Variants in MARCHF6 observed in about 807,000 individuals in gnomAD.
MARCHF6 encodes membrane associated ring-CH-type finger 6.
A neutral mutation model predicts 133.7 loss-of-function variants in MARCHF6; 31 were observed. That is an observed-to-expected ratio of 0.23 (90% confidence interval 0.17 to 0.31). MARCHF6 has a LOEUF of 0.31. MARCHF6 is among the 10% of genes least tolerant of loss of function. The pLI is 1.00. For synonymous variants in MARCHF6, 395 were observed against 402.5 expected (o/e 0.98, Z 0.22); for missense variants, 723 against 1,121.6 (o/e 0.64, Z 5.08).
chr5:10,377,750 A>T (rs563142574), intron 1 of MARCHF6, 48 bp from the exon 2 acceptor site: 4 of 1,383,338 alleles, frequency 2.9e-6, no homozygotes, highest in South Asian at 2.3e-5. Context: ...TTGCTTTTTT[A>T]AAAAAGTTAT....
At chr5:10,366,331 G>C (rs1736136799) in intron 1 of MARCHF6, among the ~76,000 whole-genome samples, 1 of 152,140 alleles carries the variant, frequency 6.6e-6, no homozygotes, top group African/African-American at 2.4e-5. Context: ...CAGACATTTT[G>C]AGTAATATTT....
At chr5:10,357,231 TA>T (rs1735527918) in intron 1 of MARCHF6, among the ~76,000 whole-genome samples, 1 of 126,420 alleles carries the variant, frequency 7.9e-6, no homozygotes, top group African/African-American at 2.9e-5. Context: ...TTTTTTTTTT[TA>T]AAGGAAAAGC....
At position 10,377,768 on chromosome 5, in the gene MARCHF6, G is replaced by A. The variant is rs376216593; in HGVS notation, c.20-30G>A. 5 of 1,498,730 alleles carry A rather than the reference G, an allele frequency of 3.3e-6. No individual in the cohort carries two copies. The African/African-American group carries it at 5.5e-5, about 17-fold the overall frequency. The allele number at this position is 1,498,730 out of a possible 1,614,324, so 92.8% of individuals were successfully genotyped here. ...CTTTTTTAAAAAAGTTATAACCAAA[G>A]GAAATTCAATTTTCCTTTTTCATTG... On this transcript the variant is annotated intron_variant, in intron 1 of 25. Coordinates refer to ENST00000274140, the MANE Select transcript of MARCHF6 (RefSeq NM_005885.4).
intron 17 of MARCHF6, among the ~76,000 whole-genome samples, chr5:10,408,868 C>T (rs976543148): frequency 2.0e-5 from 3 of 152,122 alleles, no homozygotes; most frequent in South Asian, 2.1e-4. Context: ...TTGTCTTCAT[C>T]GTTGTATTTC....
At chr5:10,389,400 A>G (rs1219581737) in intron 5 of MARCHF6, among the ~76,000 whole-genome samples, 1 of 151,966 alleles carries the variant, frequency 6.6e-6, no homozygotes, top group East Asian at 1.9e-4. Flanking sequence ...TGCTTTCTAA[A>G]TGAAAAATTT....
chr5:10,368,226 A>C (rs974302334), intron 1 of MARCHF6, among the ~76,000 whole-genome samples: 1 of 152,226 alleles, frequency 6.6e-6, no homozygotes, highest in Admixed American at 6.5e-5. Context: ...TAATAGTCGT[A>C]CTTGCTTCAT....
chr5:10,394,453 C>A (rs1223329793), intron 8 of MARCHF6, among the ~76,000 whole-genome samples: 2 of 152,106 alleles, frequency 1.3e-5, no homozygotes, highest in African/African-American at 4.8e-5. Flanking sequence ...CAAAATAATA[C>A]AGTTTTATTA....
chr5:10,373,581 C>A (rs1736588191), intron 1 of MARCHF6, among the ~76,000 whole-genome samples: 1 of 152,184 alleles, frequency 6.6e-6, no homozygotes, highest in South Asian at 2.1e-4. Context: ...CTCTCACAGG[C>A]AGCAATGTGC....
At chr5:10,370,280 A>G (rs920213093) in intron 1 of MARCHF6, among the ~76,000 whole-genome samples, 10 of 151,072 alleles carry the variant, frequency 6.6e-5, no homozygotes, top group African/African-American at 2.2e-4. Flanking sequence ...TTAAAATTTT[A>G]TTGTAGATAT....
chr5:10,393,671 A>G (rs1490579693), intron 7 of MARCHF6, among the ~76,000 whole-genome samples: 3 of 152,220 alleles, frequency 2.0e-5, no homozygotes, highest in Non-Finnish European at 4.4e-5. Flanking sequence ...ACTAAAGAAT[A>G]AAATCCAGAC....
chr5:10,358,030 C>T (rs1444819118), intron 1 of MARCHF6, among the ~76,000 whole-genome samples: 2 of 142,558 alleles, frequency 1.4e-5, no homozygotes, highest in Admixed American at 7.2e-5. Flanking sequence ...TGCAGTGGCG[C>T]GATCTTGGCT....
chr5:10,434,035 C>A lies in MARCHF6; in HGVS notation c.*351C>A. ...TGCTGTGATCTCGACAGGAAACGTG[C>A]CACAGAGCAGTAGTGCGCAGGCAAG... On this transcript the variant is annotated 3_prime_UTR_variant, in exon 26 of 26. Coordinates refer to ENST00000274140, the MANE Select transcript of MARCHF6 (RefSeq NM_005885.4). The A allele has an allele frequency of 1.6e-5, 4 of 251,494 alleles. No homozygotes were observed. Among genetic ancestry groups the A allele is most frequent in the South Asian group, 1.3e-4 (3 of 22,274 alleles). The allele number at this position is 251,494 out of a possible 1,614,324, so 15.6% of individuals were successfully genotyped here.
At chr5:10,400,657 T>G (rs998805136) in intron 10 of MARCHF6, 127 bp from the exon 11 acceptor site, 2 of 718,792 alleles carry the variant, frequency 2.8e-6, no homozygotes, top group African/African-American at 1.8e-5. Context: ...AGGCAGTGTA[T>G]TTTTAGCCTA....
intron 1 of MARCHF6, among the ~76,000 whole-genome samples, chr5:10,371,613 A>G (rs1187306606): frequency 6.6e-6 from 1 of 152,176 alleles, no homozygotes; most frequent in African/African-American, 2.4e-5. Flanking sequence ...TGCCCCCATG[A>G]TTCAATTACC....
chr5:10,416,095 A>G (rs1739496522), intron 21 of MARCHF6, among the ~76,000 whole-genome samples: 1 of 152,240 alleles, frequency 6.6e-6, no homozygotes, highest in Admixed American at 6.5e-5. Flanking sequence ...ACACACCTAC[A>G]CATGCTTATA....
At chr5:10,406,032 C>T (rs1738868119) in intron 16 of MARCHF6, among the ~76,000 whole-genome samples, 1 of 152,156 alleles carries the variant, frequency 6.6e-6, no homozygotes, top group East Asian at 1.9e-4. Context: ...AGCTCCACCT[C>T]CTGTCAGATC....
At chr5:10,375,511 C>T (rs1275916437) in intron 1 of MARCHF6, among the ~76,000 whole-genome samples, 1 of 152,264 alleles carries the variant, frequency 6.6e-6, no homozygotes, top group Non-Finnish European at 1.5e-5. Context: ...GGCGCCCAGT[C>T]CCATCGACCA....
At chr5:10,387,592 C>T (rs199721145) in intron 5 of MARCHF6, among the ~76,000 whole-genome samples, 4 of 151,798 alleles carry the variant, frequency 2.6e-5, no homozygotes, top group East Asian at 3.9e-4. Flanking sequence ...CGTGAGCCAC[C>T]GCGCCCGTCC....
rs189671910 is a variant in MARCHF6, at chr5:10,387,780, C to T, written c.407+714C>T. ...CTGCCTTCTGGGTCTCCTACTTCAG[C>T]CTCCTGAATAGCTGGGATTACAAGC... On this transcript the variant is annotated intron_variant, in intron 5 of 25. Transcript: ENST00000274140. Among the ~76,000 whole-genome samples, 70 of 152,228 alleles carry T rather than the reference C, an allele frequency of 4.6e-4. 2 individuals carry two copies. The East Asian group carries it at 0.013, about 28-fold the overall frequency.
Sources: gnomAD v4.1 joint callset for allele counts (sites outside exome capture counted in the v4.1 genomes callset) on GRCh38, gnomAD v4.1.1 for gene constraint, MANE v1.5 for transcripts, NCBI Gene and HGNC (gene_info 2026-07-23, HGNC 2026-07-21) for gene names.